NPAS3: variants seen among roughly 807,000 people sequenced by gnomAD.
NPAS3 encodes the protein neuronal PAS domain-containing protein 3.
A neutral mutation model predicts 73.1 loss-of-function variants in NPAS3; 14 were observed. That is an observed-to-expected ratio of 0.19 (90% CI 0.13 to 0.30). NPAS3 has a LOEUF of 0.30. NPAS3 is among the 10% of genes least tolerant of loss of function. The pLI, the probability that NPAS3 is intolerant of heterozygous loss-of-function variation, is 1.00. For synonymous variants in NPAS3, 620 were observed against 541.5 expected (o/e 1.14, Z -2.01); for missense variants, 1,096 against 1,250.0 (o/e 0.88, Z 1.86).
chr14:33,789,871 G>A (rs965492124), intron 9 of NPAS3, among the ~76,000 whole-genome samples: 3 of 152,100 alleles, frequency 2.0e-5, no homozygotes, highest in Non-Finnish European at 2.9e-5. Context: ...TTACAGGCGT[G>A]AGCCACCGCG....
At chr14:33,386,072 T>C (rs75306707) in intron 4 of NPAS3, among the ~76,000 whole-genome samples, 7 of 43,734 alleles carry the variant, frequency 1.6e-4, no homozygotes, top group African/African-American at 1.1e-3. Flanking sequence ...AATTGAGAAT[T>C]TTTTTTTTTT....
intron 5 of NPAS3, among the ~76,000 whole-genome samples, chr14:33,587,084 T>A (rs2056888257): frequency 6.6e-6 from 1 of 152,192 alleles, no homozygotes; most frequent in African/African-American, 2.4e-5. Context: ...TTGCCTTACT[T>A]TCCCCATCTG....
At chr14:33,246,267 C>T (rs191868816) in intron 3 of NPAS3, among the ~76,000 whole-genome samples, 150 of 152,166 alleles carry the variant, frequency 9.9e-4, no homozygotes, top group African/African-American at 3.4e-3. Context: ...CGGCCAGGTG[C>T]GGTGGCTCAC....
chr14:33,684,718 C>T (rs956949546), intron 6 of NPAS3, among the ~76,000 whole-genome samples: 2 of 152,238 alleles, frequency 1.3e-5, no homozygotes, highest in Non-Finnish European at 2.9e-5. Flanking sequence ...CCATAGGCCT[C>T]CCCAGCCAGG....
At chr14:32,941,113 A>G (rs923811232) in intron 1 of NPAS3, among the ~76,000 whole-genome samples, 2 of 152,166 alleles carry the variant, frequency 1.3e-5, no homozygotes, top group Admixed American at 6.5e-5. Flanking sequence ...AGCATTGTGC[A>G]AGGATTTTAA....
At chr14:33,119,995 A>C (rs17100166) in intron 2 of NPAS3, among the ~76,000 whole-genome samples, 7,219 of 147,164 alleles carry the variant, frequency 0.049, 209 homozygotes, top group African/African-American at 0.084. Flanking sequence ...CTAGGAGCAT[A>C]TACTTTCAGA....
intron 4 of NPAS3, among the ~76,000 whole-genome samples, chr14:33,544,798 A>ATATATATATATATATATATATATAT (rs1240190500): frequency 6.6e-5 from 5 of 75,586 alleles, no homozygotes; most frequent in African/African-American, 4.3e-4. Flanking sequence ...TTATATATAT[A>ATATATATATATATATATATATATAT]TATATATATA....
intron 7 of NPAS3, among the ~76,000 whole-genome samples, chr14:33,769,745 A>ATTTTT (rs5807743): frequency 1.0e-3 from 108 of 103,172 alleles, no homozygotes; most frequent in Non-Finnish European, 1.3e-3. Context: ...AAAGACTTGG[A>ATTTTT]TTTTTTTTTT....
chr14:33,203,775 A>G (rs1034048945), intron 2 of NPAS3, among the ~76,000 whole-genome samples: 2 of 152,198 alleles, frequency 1.3e-5, no homozygotes, highest in Non-Finnish European at 2.9e-5. Context: ...TAATGCCGCA[A>G]TAAACATATG....
chr14:33,556,109 T>C (rs1173272586), intron 4 of NPAS3, among the ~76,000 whole-genome samples: 2 of 152,178 alleles, frequency 1.3e-5, no homozygotes, highest in East Asian at 3.9e-4. Context: ...AGTTCTTAGA[T>C]CGCTACTGCT....
chr14:33,130,435 C>T (rs1226553836), intron 2 of NPAS3, among the ~76,000 whole-genome samples: 1 of 152,110 alleles, frequency 6.6e-6, no homozygotes, highest in Non-Finnish European at 1.5e-5. Flanking sequence ...TTTTTCCTTT[C>T]CCTGAATGTG....
intron 5 of NPAS3, among the ~76,000 whole-genome samples, chr14:33,563,537 C>CACACACAGAGAGAGAGAGAG: frequency 2.5e-5 from 3 of 119,652 alleles, no homozygotes; most frequent in African/African-American, 1.1e-4. Flanking sequence ...CACACACACA[C>CACACACAGAGAGAGAGAGAG]AGAGAGAGAG....
rs555925316 is a variant in NPAS3 at position 33,067,544 on chromosome 14, C to T, written c.140+11550C>T. On this transcript the variant is annotated intron_variant, in intron 2 of 11. Transcript: ENST00000356141. ...TTGCATTGTTTCACCTCACAACAAT[C>T]TCCACATGTAATGACCAACAAGCTT... Among the ~76,000 whole-genome samples the T allele has an allele frequency of 2.0e-5, 3 of 152,370 alleles. No homozygotes were observed. The South Asian group carries it at 6.2e-4, about 32-fold the overall frequency.
At chr14:33,451,355 A>G (rs994238745) in intron 4 of NPAS3, among the ~76,000 whole-genome samples, 1 of 152,178 alleles carries the variant, frequency 6.6e-6, no homozygotes, top group Non-Finnish European at 1.5e-5. Context: ...AGCCTTCTCC[A>G]CTTCTGAGTC....
At chr14:33,134,447 T>C (rs2043759733) in intron 2 of NPAS3, among the ~76,000 whole-genome samples, 1 of 152,120 alleles carries the variant, frequency 6.6e-6, no homozygotes, top group Non-Finnish European at 1.5e-5. Flanking sequence ...AAAAGCACAG[T>C]TTTGTAGGCA....
intron 3 of NPAS3, among the ~76,000 whole-genome samples, chr14:33,274,755 C>T (rs1397717144): frequency 6.6e-6 from 1 of 152,160 alleles, no homozygotes; most frequent in African/African-American, 2.4e-5. Flanking sequence ...AGAGTTTAGG[C>T]AGGCTCTGGA....
rs1350931463 is a variant in NPAS3, at chr14:33,800,188, C to T, written c.1881C>T (p.Asp627=). 8 of 1,611,464 alleles carry T rather than the reference C, an allele frequency of 5.0e-6. No individual in the cohort carries two copies. In the East Asian group the frequency reaches 1.1e-4, roughly 22 times the overall value. Residue 627 remains aspartate, a synonymous_variant, in exon 12 of 12, where the codon GAC becomes GAT. Coordinates refer to ENST00000356141, the Ensembl canonical transcript of NPAS3. This position sits in a 1 kb window ranked among gnomAD's most constrained non-coding sequence, Gnocchi z 6.5. ...GCGCGTCGAGCCCAGGCGGCCTGGA[C>T]GCGGGCCTGGTGGAGCCCCCGCGGC... is the stretch of plus-strand genomic sequence containing the variant.
At chr14:33,655,322 C>A (rs2059113584) in intron 5 of NPAS3, among the ~76,000 whole-genome samples, 1 of 144,484 alleles carries the variant, frequency 6.9e-6, no homozygotes, top group African/African-American at 2.6e-5. Context: ...TCTCTATATA[C>A]CTTTGGCTCT....
chr14:33,643,375 T>TAAA (rs755879056), intron 5 of NPAS3, among the ~76,000 whole-genome samples: 68 of 94,600 alleles, frequency 7.2e-4, no homozygotes, highest in African/African-American at 1.4e-3. Context: ...AAATAAAAAT[T>TAAA]AAAAAAAAAA....
Sources: allele counts gnomAD v4.1 joint callset (sites outside exome capture counted in the v4.1 genomes callset), GRCh38; gene constraint gnomAD v4.1.1; non-coding constraint Gnocchi (gnomAD v3.1); transcripts MANE v1.5; gene names NCBI Gene and HGNC (gene_info 2026-07-23, HGNC 2026-07-21).